DHX8: variants seen among roughly 807,000 people sequenced by gnomAD.
DHX8 encodes DEAH-box helicase 8.
Under a neutral mutation model 140.7 loss-of-function variants are expected in DHX8, and 67 were observed. The observed-to-expected ratio is 0.48, with a 90% CI of 0.39 to 0.58. The LOEUF (loss-of-function observed/expected upper bound fraction) is 0.58. DHX8 is among the 20% of genes least tolerant of loss of function. The pLI, the probability that DHX8 is intolerant of heterozygous loss-of-function variation, is 0.00. For synonymous variants in DHX8, 533 were observed against 553.2 expected (o/e 0.96, Z 0.51); for missense variants, 887 against 1,550.7 (o/e 0.57, Z 7.19).
At chr17:43,510,169 C>T (rs1372410969) in intron 16 of DHX8, among the ~76,000 whole-genome samples, 1 of 152,144 alleles carries the variant, frequency 6.6e-6, no homozygotes, top group African/African-American at 2.4e-5. Context: ...CTGCCTCAGC[C>T]TCCCGAGTAG....
At position 43,484,187 on chromosome 17, in the gene DHX8, T is replaced by C; in HGVS notation, c.148+2T>C. On this transcript the variant is annotated splice_donor_variant, in intron 1 of 22. Transcript: ENST00000262415. LOFTEE classifies it high-confidence loss of function. ...TGGGGATCAACGACAAGGACCTTGG[T>C]GAGCTCGGGGAGGTCCCTGGGACCT... 1 of 1,613,368 alleles carries C rather than the reference T, an allele frequency of 6.2e-7. No homozygotes were observed. The highest frequency in any genetic ancestry group is 8.5e-7 in the Non-Finnish European group (1 of 1,179,764).
chr17:43,498,839 T>A, intron 9 of DHX8, 23 bp from the exon 10 acceptor site: 2 of 1,570,288 alleles, frequency 1.3e-6, no homozygotes, highest in Non-Finnish European at 1.7e-6. Context: ...TATGGCTAAT[T>A]CTTCTTTTGG....
At chr17:43,484,260 G>T (rs1967986920) in intron 1 of DHX8, 75 bp downstream of exon 1, 1 of 1,484,362 alleles carries the variant, frequency 6.7e-7, no homozygotes, top group Admixed American at 1.8e-5. Flanking sequence ...AAGGAGAAAG[G>T]TGGTTGATGG....
At chr17:43,540,978 C>G (rs573470144) in intron 3 of DHX8, among the ~76,000 whole-genome samples, 2 of 152,258 alleles carry the variant, frequency 1.3e-5, no homozygotes, top group African/African-American at 4.8e-5. Flanking sequence ...CTCTTGCTGG[C>G]GTCACTGGTG....
intron 18 of DHX8, chr17:43,519,864 G>A (rs935201223): frequency 3.0e-5 from 9 of 302,000 alleles, no homozygotes; most frequent in Non-Finnish European, 5.0e-5. Flanking sequence ...TCGCTTGAAC[G>A]TAGGAGGTGG....
chr17:43,486,598 G>A (rs181487924), intron 1 of DHX8, among the ~76,000 whole-genome samples: 232 of 152,090 alleles, frequency 1.5e-3, no homozygotes, highest in African/African-American at 5.4e-3. Flanking sequence ...CTGATTAATG[G>A]GACCAGGCGC....
chr17:43,492,685 A>G lies in DHX8; in HGVS notation c.508A>G (p.Arg170Gly), dbSNP rs772545517. The change falls in exon 6 of 23, where the codon AGG becomes GGG. Residue 170 changes from arginine to glycine, a missense_variant. Around this residue, in one of 9 missense-constraint regions of DHX8, gnomAD observed 304 missense variants for 306.9 expected, o/e 0.99. Transcript: ENST00000262415. ...AGGTGCTTATTGATTTGTTAGGGAC[A>G]GGACAAAGAAGAAGAAGCGGAGTCG... ...EKQRDAEHRD[R>G]TKKKKRSRSR... 2.1e-5 allele frequency: 32 copies of G among 1,535,214 alleles called. No individual in the cohort carries two copies. The highest frequency in any genetic ancestry group is 2.7e-5 in the Non-Finnish European group (30 of 1,108,276).
chr17:43,491,395 T>A, intron 4 of DHX8, 145 bp downstream of exon 4: 1 of 430,924 alleles, frequency 2.3e-6, no homozygotes, highest in East Asian at 3.6e-5. Context: ...TCCCTGAGCA[T>A]GTACTATGTA....
rs929287779 is a variant in DHX8, at chr17:43,502,857, A to G, written c.1547-1787A>G. ...TCTTCCATTTCCTCAGAATAAACCC[A>G]TTCATTCCCTTTTACCCTTTAGTGA... On this transcript the variant is annotated intron_variant, in intron 11 of 22. Coordinates refer to ENST00000262415, the MANE Select transcript of DHX8 (RefSeq NM_004941.3). Among the ~76,000 whole-genome samples the G allele has an allele frequency of 2.6e-5, 4 of 152,314 alleles. No homozygotes were observed. In the South Asian group the frequency reaches 8.3e-4, roughly 32 times the overall value.
chr17:43,516,510 T>G (rs1311415472), intron 17 of DHX8, among the ~76,000 whole-genome samples: 1 of 152,196 alleles, frequency 6.6e-6, no homozygotes, highest in East Asian at 1.9e-4. Flanking sequence ...AGTGGTGTGA[T>G]TACGGCTTAC....
chr17:43,521,954 G>T, intron 21 of DHX8, 93 bp from the exon 22 acceptor site: 1 of 1,383,774 alleles, frequency 7.2e-7, no homozygotes, highest in Non-Finnish European at 1.0e-6. Flanking sequence ...TGACTACTCT[G>T]GGCACCCCAA....
At chr17:43,488,345 C>T (rs991136162) in intron 1 of DHX8, among the ~76,000 whole-genome samples, 1 of 151,394 alleles carries the variant, frequency 6.6e-6, no homozygotes, top group Admixed American at 6.6e-5. Flanking sequence ...GGCACAGTGG[C>T]TTATGCCTGT....
chr17:43,500,021 A>G lies in DHX8; in HGVS notation c.1464A>G (p.Glu488=), dbSNP rs1969091789. The G allele has an allele frequency of 3.1e-6, 5 of 1,614,042 alleles. No homozygotes were observed. In the South Asian group the frequency reaches 4.4e-5, roughly 14 times the overall value. The change falls in exon 11 of 23, where the codon GAA becomes GAG. Residue 488 remains glutamate, a synonymous_variant. Transcript: ENST00000262415. ...GTGCCTTGGCCAAAGAAAGGCGGGA[A>G]CTCAAACAGGCCCAGCGGGAAGCTG... ...MQSALAKERR[E]LKQAQREAEM...
At chr17:43,494,158 G>A (rs144874564) in intron 8 of DHX8, among the ~76,000 whole-genome samples, 3 of 152,290 alleles carry the variant, frequency 2.0e-5, no homozygotes, top group East Asian at 3.9e-4. Flanking sequence ...AGCTTGTGCA[G>A]GGAAATGCCC....
Position 43,522,230 on chromosome 17 carries a change from G to A in DHX8, c.3443+4G>A. 1 of 1,611,950 alleles carries A rather than the reference G, an allele frequency of 6.2e-7. No homozygotes were observed. The highest frequency in any genetic ancestry group is 2.2e-5 in the East Asian group (1 of 44,834). Reference sequence around the variant, plus strand: ...TCTTCAACAGACAGCCAGAATGGTAGGTGGACATGTCCCAGGGTCTAGGGG... The same window carrying A: ...TCTTCAACAGACAGCCAGAATGGTAAGTGGACATGTCCCAGGGTCTAGGGG... On this transcript the variant is annotated splice_donor_region_variant and intron_variant, in intron 22 of 22. Transcript: ENST00000262415.
rs1162567751 is a variant in DHX8 at position 43,483,983 on chromosome 17, C to A, written c.-55C>A. The A allele has an allele frequency of 1.1e-5, 18 of 1,592,952 alleles. No homozygotes were observed. The highest frequency in any genetic ancestry group is 1.5e-5 in the Non-Finnish European group (17 of 1,169,530). ...CCGGAAGTGAAAGCTGGAACCCGGC[C>A]GGAGTAGCTCTGAGCGCCGGCTGTG... On this transcript the variant is annotated 5_prime_UTR_variant, in exon 1 of 23. Coordinates refer to ENST00000262415, the MANE Select transcript of DHX8 (RefSeq NM_004941.3).
At chr17:43,514,434 A>G (rs1488574970) in intron 17 of DHX8, among the ~76,000 whole-genome samples, 1 of 152,190 alleles carries the variant, frequency 6.6e-6, no homozygotes, top group Non-Finnish European at 1.5e-5. Context: ...TTAGATGGAA[A>G]GATCAGTACT....
chr17:43,526,483 GTC>G (rs1567702291), downstream of DHX8: 5 of 1,535,556 alleles, frequency 3.3e-6, no homozygotes, highest in Non-Finnish European at 2.6e-6. Flanking sequence ...GGCTTTGACT[GTC>G]TCTCCTGCAG....
downstream of DHX8, chr17:43,544,788 A>G: frequency 6.9e-6 from 4 of 579,784 alleles, no homozygotes; most frequent in South Asian, 8.7e-5. Flanking sequence ...AATAAATATC[A>G]ATATAAGTGT....
Sources: gnomAD v4.1 joint callset for allele counts (sites outside exome capture counted in the v4.1 genomes callset) on GRCh38, gnomAD v4.1.1 for gene constraint, gnomAD v4.1.1 regional missense constraint, MANE v1.5 for transcripts, NCBI Gene and HGNC (gene_info 2026-07-23, HGNC 2026-07-21) for gene names.